Variants in EVC observed in about 807,000 individuals in gnomAD.
EVC encodes EvC ciliary complex subunit 1, also known as evC complex member EVC.
In EVC, 116 loss-of-function variants were observed where a neutral mutation model predicts 118.9. That is an observed-to-expected ratio of 0.98 (90% CI 0.84 to 1.14). EVC has a LOEUF of 1.14. Among genes scored for constraint, EVC ranks in the 50% most tolerant of loss-of-function variants. The pLI is 0.00. For synonymous variants in EVC, 619 were observed against 534.7 expected (o/e 1.16, Z -2.18); for missense variants, 1,401 against 1,246.4 (o/e 1.12, Z -1.87).
chr4:5,741,623 G>C (rs182558145), intron 5 of EVC, 93 bp from the exon 6 acceptor site: 1 of 719,102 alleles, frequency 1.4e-6, no homozygotes. Flanking sequence ...GAGAGGCAGT[G>C]GGGGAGGGAG....
chr4:5,731,516 G>C lies in EVC; in HGVS notation c.476G>C (p.Ser159Thr). ...PHQPVEASPS[S>T]SLGSLSQGEK... is the part of the protein sequence containing the mutation. Reference sequence around the variant, plus strand: ...CAGCCGGTAGAGGCCTCTCCTTCCAGCAGTCTGGGGAGCCTGAGCCAGGGT... The same window carrying C: ...CAGCCGGTAGAGGCCTCTCCTTCCACCAGTCTGGGGAGCCTGAGCCAGGGT... The change falls in exon 4 of 21, where the codon AGC (serine) becomes ACC (threonine). Residue 159 changes from serine (S) to threonine (T), a missense_variant. Physicochemically the swap from Ser to Thr is moderately conservative, Grantham distance 58. Transcript: ENST00000264956. This position sits in a 1 kb window ranked among gnomAD's most constrained non-coding sequence, Gnocchi z 5.6. The C allele has an allele frequency of 6.2e-7, 1 of 1,614,128 alleles. No homozygotes were observed. The highest frequency in any genetic ancestry group is 8.5e-7 in the Non-Finnish European group (1 of 1,180,018).
At position 5,789,678 on chromosome 4, in the gene EVC, G is replaced by C. The variant is rs996067603; in HGVS notation, c.1777-3930G>C. Among the ~76,000 whole-genome samples the C allele has an allele frequency of 6.6e-6, 1 of 152,170 alleles. No individual in the cohort carries two copies. The highest frequency in any genetic ancestry group is 1.5e-5 in the Non-Finnish European group (1 of 68,024). ...GTAGCAATGACCAGCACTCTAGCCC[G>C]AGGAAGCACCTCTTCTGAATGTAAG... On this transcript the variant is annotated intron_variant, in intron 12 of 20. Transcript: ENST00000264956. The surrounding 1 kb of genome is among the most constrained non-coding windows in gnomAD (Gnocchi z 4.3).
At chr4:5,807,860 A>C (rs1054741108) in intron 17 of EVC, among the ~76,000 whole-genome samples, 6 of 152,218 alleles carry the variant, frequency 3.9e-5, no homozygotes, top group Admixed American at 1.3e-4. Context: ...GCCACTTCAC[A>C]GACGTGTGTC....
the EVC span, chr4:5,828,687 T>C: frequency 0.94 from 1,509,531 of 1,610,902 alleles, 707,684 homozygotes; most frequent in East Asian, 1. Flanking sequence ...ACAGCCTCAG[T>C]GTTACTTCCC....
In EVC at chr4:5,771,841, A is replaced by G. The variant is rs561181100; in HGVS notation, c.1564-11711A>G. Among the ~76,000 whole-genome samples, 33 of 152,240 alleles carry G rather than the reference A, an allele frequency of 2.2e-4. 1 individual carries two copies. In the South Asian group the frequency reaches 4.8e-3, roughly 22 times the overall value. ...CTGAGAAAAATAGGCTGGGTGATTC[A>G]TATCTCCCTTTACAGTAACCAGCTA... On this transcript the variant is annotated intron_variant, in intron 11 of 20. Transcript: ENST00000264956.
downstream of EVC, among the ~76,000 whole-genome samples, chr4:5,817,149 G>A (rs1717835686): frequency 6.6e-6 from 1 of 152,342 alleles, no homozygotes; most frequent in East Asian, 1.9e-4. Flanking sequence ...GATACGGAGT[G>A]TTCTTTTTTG....
chr4:5,740,706 T>C (rs889650333), intron 5 of EVC, among the ~76,000 whole-genome samples: 5 of 152,152 alleles, frequency 3.3e-5, no homozygotes, highest in African/African-American at 1.2e-4. Flanking sequence ...AAAGGACTAG[T>C]ACCTAGACCA....
chr4:5,771,008 T>C (rs1251687087), intron 11 of EVC, among the ~76,000 whole-genome samples: 1 of 131,926 alleles, frequency 7.6e-6, no homozygotes, highest in South Asian at 2.3e-4. Context: ...CGAGACTTCA[T>C]TTCAAAAAAA....
At chr4:5,744,641 G>C (rs1729082171) in intron 6 of EVC, among the ~76,000 whole-genome samples, 1 of 152,148 alleles carries the variant, frequency 6.6e-6, no homozygotes. Context: ...TGCCTAGCTA[G>C]TCACGGGCAA....
chr4:5,729,452 A>G, intron 3 of EVC, 62 bp downstream of exon 3: 1 of 1,481,246 alleles, frequency 6.8e-7, no homozygotes, highest in Non-Finnish European at 9.4e-7. Context: ...AGAGATTGGG[A>G]GGAAAGTGGG....
At chr4:5,783,367 G>T (rs976084439) in intron 11 of EVC, among the ~76,000 whole-genome samples, 185 bp from the exon 12 acceptor site, 1 of 149,234 alleles carries the variant, frequency 6.7e-6, no homozygotes, top group Non-Finnish European at 1.5e-5. Context: ...ACAAGTGTGT[G>T]TGCATGTGGG....
chr4:5,816,240 A>G (rs984919460), downstream of EVC, among the ~76,000 whole-genome samples: 4 of 151,980 alleles, frequency 2.6e-5, no homozygotes, highest in Admixed American at 6.6e-5. Flanking sequence ...ACTTAGTCTG[A>G]GGTGAGCTCT....
intron 2 of EVC, among the ~76,000 whole-genome samples, chr4:5,726,376 A>C (rs538301175): frequency 4.5e-4 from 68 of 152,246 alleles, no homozygotes; most frequent in African/African-American, 1.6e-3. Flanking sequence ...CTGACTTTAC[A>C]AAGTGCAGGG....
At chr4:5,744,526 TATAGAAATGTAGCTTTGTTA>T (rs1553872874) in intron 6 of EVC, among the ~76,000 whole-genome samples, 2 of 152,176 alleles carry the variant, frequency 1.3e-5, no homozygotes, top group Non-Finnish European at 2.9e-5. Flanking sequence ...GGAGGACAGA[TATAGAAATGTAGCTTTGTTA>T]CTGATTAGAG....
the EVC span, chr4:5,825,775 TGCACA>T: frequency 3.9e-5 from 38 of 967,792 alleles, no homozygotes; most frequent in Middle Eastern, 2.2e-4. The surrounding 1 kb of genome is among the most constrained non-coding windows in gnomAD (Gnocchi z 4.4). Context: ...CAAATGTGCA[TGCACA>T]CACACACACA....
In EVC at chr4:5,798,559, C is replaced by T. The variant is rs942774724; in HGVS notation, c.2098-27C>T. 1 of 1,548,202 alleles carries T rather than the reference C, an allele frequency of 6.5e-7. No homozygotes were observed. Among genetic ancestry groups the T allele is most frequent in the East Asian group, 2.4e-5 (1 of 40,980 alleles). On this transcript the variant is annotated intron_variant, in intron 14 of 20. Coordinates refer to ENST00000264956, the MANE Select transcript of EVC (RefSeq NM_153717.3). This position sits in a 1 kb window ranked among gnomAD's most constrained non-coding sequence, Gnocchi z 4.1. ...CTTCTCTGTGAGAGGAGCACTTGGC[C>T]CCTGCTCCCAGTCCTTTCCCTCCCA...
chr4:5,716,534 G>A (rs1383054506), intron 1 of EVC, among the ~76,000 whole-genome samples: 1 of 152,150 alleles, frequency 6.6e-6, no homozygotes, highest in African/African-American at 2.4e-5. Context: ...CAGATAAGGG[G>A]CAGCTGAGGA....
chr4:5,824,481 A>G, the EVC span: 1 of 984,822 alleles, frequency 1.0e-6, no homozygotes, highest in Non-Finnish European at 1.2e-6. Flanking sequence ...TTCACACGTC[A>G]TCCTCTCTCT....
In EVC at chr4:5,711,251, A is replaced by G. The variant is rs1722953507; in HGVS notation, c.-130A>G. Reference sequence around the variant, plus strand: ...AGAGAAGCAGGAGTCGGGAGACTGCACAGGCCAGAAAGTCTGCGGAGCGGG... The same window carrying G: ...AGAGAAGCAGGAGTCGGGAGACTGCGCAGGCCAGAAAGTCTGCGGAGCGGG... On this transcript the variant is annotated 5_prime_UTR_variant, in exon 1 of 21. Transcript: ENST00000264956. 1.1e-5 allele frequency: 6 copies of G among 531,696 alleles called. No individual in the cohort carries two copies. The highest frequency in any genetic ancestry group is 8.2e-5 in the African/African-American group (4 of 48,826). The allele number at this position is 531,696 out of a possible 1,614,324, so 32.9% of individuals were successfully genotyped here.
Sources: gnomAD v4.1 joint callset for allele counts (sites outside exome capture counted in the v4.1 genomes callset) on GRCh38, gnomAD v4.1.1 for gene constraint, Gnocchi (gnomAD v3.1) non-coding constraint, MANE v1.5 for transcripts, NCBI Gene and HGNC (gene_info 2026-07-23, HGNC 2026-07-21) for gene names.